TRIM44: variants seen among roughly 807,000 people sequenced by gnomAD.
TRIM44 encodes tripartite motif-containing protein 44.
TRIM44 carries 13 observed loss-of-function variants against 37.4 expected under a neutral mutation model. That is an observed-to-expected ratio of 0.35 (90% CI 0.23 to 0.55). The LOEUF is 0.55. Among genes scored for constraint, TRIM44 ranks in the 20% least tolerant of loss-of-function variants. The pLI, the probability that TRIM44 is intolerant of heterozygous loss-of-function variation, is 0.89. For synonymous variants in TRIM44, 175 were observed against 157.2 expected, an observed-to-expected ratio of 1.11 and a Z score of -0.85; for missense variants, 426 against 437.2, an observed-to-expected ratio of 0.97 and a Z score of 0.23.
chr11:35,792,633 A>G (rs1853229904), intron 4 of TRIM44, among the ~76,000 whole-genome samples: 1 of 152,346 alleles, frequency 6.6e-6, no homozygotes, highest in South Asian at 2.1e-4. Context: ...GAGAGCTGCC[A>G]TATGCCAGCT....
chr11:35,710,859 A>T (rs1428330014), intron 2 of TRIM44, among the ~76,000 whole-genome samples: 1 of 152,174 alleles, frequency 6.6e-6, no homozygotes, highest in Non-Finnish European at 1.5e-5. Context: ...GTATTTTGGG[A>T]TGGAATATTC....
At position 35,699,018 on chromosome 11, in the gene TRIM44, C is replaced by T. The variant is rs575818199; in HGVS notation, c.747+13682C>T. Among the ~76,000 whole-genome samples, 271 of 146,428 alleles carry T rather than the reference C, an allele frequency of 1.9e-3. 5 individuals are homozygous for T. The highest frequency in any genetic ancestry group is 6.6e-3 in the African/African-American group (260 of 39,324). On this transcript the variant is annotated intron_variant, in intron 2 of 4. Transcript: ENST00000299413. Reference sequence around the variant, plus strand: ...TTCTACATATGGCTAGCCAGTTTTCCCAGCACCATTTATTAAATAGGGAAT... The same window carrying T: ...TTCTACATATGGCTAGCCAGTTTTCTCAGCACCATTTATTAAATAGGGAAT...
intron 4 of TRIM44, among the ~76,000 whole-genome samples, chr11:35,789,274 T>C (rs1282228810): frequency 6.6e-6 from 1 of 152,152 alleles, no homozygotes. Flanking sequence ...ATATATTTAT[T>C]GTTCTATATT....
At chr11:35,674,462 T>C (rs1246970788) in intron 1 of TRIM44, among the ~76,000 whole-genome samples, 3 of 152,190 alleles carry the variant, frequency 2.0e-5, no homozygotes, top group African/African-American at 7.2e-5. Flanking sequence ...AATAACTCTA[T>C]GGGCAGTGAC....
intron 4 of TRIM44, among the ~76,000 whole-genome samples, chr11:35,801,864 T>A (rs533324340): frequency 6.6e-6 from 1 of 152,198 alleles, no homozygotes; most frequent in Admixed American, 6.5e-5. Context: ...TTAGCTAAAC[T>A]TTTTTGTTTT....
intron 2 of TRIM44, among the ~76,000 whole-genome samples, chr11:35,711,500 T>A (rs1276703526): frequency 6.6e-6 from 1 of 150,960 alleles, no homozygotes; most frequent in Non-Finnish European, 1.5e-5. Context: ...AAATAGGGAA[T>A]AATAGTACAT....
chr11:35,771,957 G>A (rs1365018041), intron 4 of TRIM44, among the ~76,000 whole-genome samples: 1 of 152,138 alleles, frequency 6.6e-6, no homozygotes, highest in Non-Finnish European at 1.5e-5. Context: ...TCCCATCACA[G>A]GCCCAGAGGT....
chr11:35,783,054 G>A (rs1853085891), intron 4 of TRIM44, among the ~76,000 whole-genome samples: 1 of 152,170 alleles, frequency 6.6e-6, no homozygotes, highest in Non-Finnish European at 1.5e-5. Context: ...AGGTATGCTT[G>A]TTACACACCA....
chr11:35,684,972 A>C (rs909322152), intron 1 of TRIM44, among the ~76,000 whole-genome samples: 1 of 152,262 alleles, frequency 6.6e-6, no homozygotes, highest in Non-Finnish European at 1.5e-5. Context: ...GTAGAGCTTC[A>C]GTGAACACCA....
intron 2 of TRIM44, among the ~76,000 whole-genome samples, chr11:35,686,884 T>G (rs1369757737): frequency 3.3e-5 from 5 of 152,338 alleles, no homozygotes; most frequent in African/African-American, 1.2e-4. Context: ...CCATCATCAC[T>G]GTCCATCTCT....
intron 4 of TRIM44, among the ~76,000 whole-genome samples, chr11:35,796,537 A>G (rs1235510928): frequency 6.6e-6 from 1 of 152,188 alleles, no homozygotes; most frequent in Non-Finnish European, 1.5e-5. Context: ...GGTCAGGTGG[A>G]TTTCCTGAAG....
intron 4 of TRIM44, among the ~76,000 whole-genome samples, chr11:35,739,001 TCCTC>T (rs1029535546): frequency 2.1e-4 from 32 of 152,350 alleles, no homozygotes; most frequent in African/African-American, 7.7e-4. Flanking sequence ...TAATGGATCT[TCCTC>T]CCTCTCTACT....
At chr11:35,693,553 T>G (rs1851662239) in intron 2 of TRIM44, among the ~76,000 whole-genome samples, 1 of 152,174 alleles carries the variant, frequency 6.6e-6, no homozygotes, top group Non-Finnish European at 1.5e-5. Flanking sequence ...CTTAGTTTGA[T>G]TGGGTCACAT....
At chr11:35,688,157 T>A (rs1851601879) in intron 2 of TRIM44, among the ~76,000 whole-genome samples, 1 of 152,122 alleles carries the variant, frequency 6.6e-6, no homozygotes, top group Non-Finnish European at 1.5e-5. Flanking sequence ...AGGGCAGAAA[T>A]CTCTTAGGCT....
chr11:35,720,487 A>G lies in TRIM44; in HGVS notation c.748-5437A>G, dbSNP rs188792591. Among the ~76,000 whole-genome samples, 284 of 151,890 alleles carry G rather than the reference A, an allele frequency of 1.9e-3. 3 individuals are homozygous for G. Among genetic ancestry groups the G allele is most frequent in the African/African-American group, 6.6e-3 (274 of 41,426 alleles). ...ACATAGACAATCTTATCATCTGCAA[A>G]GACAGTTTTATTTCTTCTTTCCCAA... On this transcript the variant is annotated intron_variant, in intron 2 of 4. Coordinates refer to ENST00000299413, the MANE Select transcript of TRIM44 (RefSeq NM_017583.6).
chr11:35,772,388 G>T (rs554388743), intron 4 of TRIM44, among the ~76,000 whole-genome samples: 69 of 152,310 alleles, frequency 4.5e-4, no homozygotes, highest in African/African-American at 1.6e-3. Context: ...ACCCCAGAAT[G>T]GTAGATCACC....
At chr11:35,687,117 C>T (rs1452806333) in intron 2 of TRIM44, among the ~76,000 whole-genome samples, 2 of 152,216 alleles carry the variant, frequency 1.3e-5, no homozygotes, top group Non-Finnish European at 2.9e-5. Context: ...AGTGCCTATA[C>T]TCTTTATCTT....
At chr11:35,714,834 A>G (rs1386744513) in intron 2 of TRIM44, among the ~76,000 whole-genome samples, 1 of 152,164 alleles carries the variant, frequency 6.6e-6, no homozygotes, top group Non-Finnish European at 1.5e-5. Flanking sequence ...TAGTTTATGC[A>G]TAGGCTAAGG....
intron 2 of TRIM44, among the ~76,000 whole-genome samples, chr11:35,704,489 A>G (rs1280446116): frequency 6.6e-6 from 1 of 152,214 alleles, no homozygotes; most frequent in Non-Finnish European, 1.5e-5. Flanking sequence ...ATGAAGGACA[A>G]AATGTTAAGG....
Sources: allele counts gnomAD v4.1 joint callset (sites outside exome capture counted in the v4.1 genomes callset), GRCh38; gene constraint gnomAD v4.1.1; transcripts MANE v1.5; gene names NCBI Gene and HGNC (gene_info 2026-07-23, HGNC 2026-07-21).